The following ASMT variants were observed in gnomAD, a reference collection of about 807,000 sequenced individuals.
ASMT encodes acetylserotonin O-methyltransferase.
A neutral mutation model predicts 41.3 loss-of-function variants in ASMT; 53 were observed. The ratio of observed to expected loss-of-function variants is 1.28; its 90% CI spans 1.03 to 1.61. ASMT has a LOEUF of 1.61. Among genes scored for constraint, ASMT ranks in the 40% most tolerant of loss-of-function variants. The pLI, the probability that ASMT is intolerant of heterozygous loss-of-function variation, is 0.00. For missense variants in ASMT, 531 were observed against 441.3 expected, an observed-to-expected ratio of 1.20 and a Z score of -1.82; for synonymous variants, 231 against 184.8, an observed-to-expected ratio of 1.25 and a Z score of -2.03.
intron 4 of ASMT, among the ~76,000 whole-genome samples, chrX:1,628,952 T>C (rs1368498409): frequency 5.5e-5 from 8 of 144,448 alleles, no homozygotes; most frequent in African/African-American, 1.8e-4. Context: ...CTTTCTTTCT[T>C]TCCTTCTTTC....
chrX:1,634,254 G>A (rs1466661409), intron 7 of ASMT, among the ~76,000 whole-genome samples: 45 of 152,292 alleles, frequency 3.0e-4, no homozygotes, highest in Non-Finnish European at 5.6e-4. Context: ...GATAGAGTTC[G>A]GGAGAAACCA....
intron 2 of ASMT, 120 bp from the exon 3 acceptor site, chrX:1,624,149 C>A: frequency 7.2e-7 from 1 of 1,380,566 alleles, no homozygotes; most frequent in Non-Finnish European, 1.0e-6. Context: ...GACCCCATCT[C>A]TAAAGAAGAG....
chrX:1,615,620 C>G (rs1219927474), intron 1 of ASMT, among the ~76,000 whole-genome samples: 1 of 151,904 alleles, frequency 6.6e-6, no homozygotes, highest in Non-Finnish European at 1.5e-5. Context: ...CTGACCCACA[C>G]AGAGAAACCC....
At chrX:1,631,283 A>G in intron 5 of ASMT, among the ~76,000 whole-genome samples, 1 of 151,412 alleles carries the variant, frequency 6.6e-6, no homozygotes, top group East Asian at 2.0e-4. Context: ...CTCCAGTTTC[A>G]TGCAGTCCTC....
At chrX:1,623,862 C>G (rs7880188) in intron 2 of ASMT, among the ~76,000 whole-genome samples, 2 of 151,244 alleles carry the variant, frequency 1.3e-5, no homozygotes, top group African/African-American at 4.9e-5. Context: ...TTGGCCAGGC[C>G]GGTCTCGAGC....
At chrX:1,642,663 G>A in intron 8 of ASMT, 140 bp from the exon 9 acceptor site, 1 of 765,924 alleles carries the variant, frequency 1.3e-6, no homozygotes, top group South Asian at 1.5e-5. Flanking sequence ...ATGAGGACGT[G>A]GGCACAGCCT....
intron 8 of ASMT, among the ~76,000 whole-genome samples, chrX:1,636,935 C>T (rs1349094642): frequency 3.1e-5 from 3 of 95,482 alleles, no homozygotes; most frequent in South Asian, 3.6e-4. Context: ...GGGACAGTGT[C>T]CCAGCTCTCC....
chrX:1,617,776 C>T (rs1421615178), intron 1 of ASMT, among the ~76,000 whole-genome samples: 1 of 149,368 alleles, frequency 6.7e-6, no homozygotes, highest in Non-Finnish European at 1.5e-5. Flanking sequence ...CCAACACGCC[C>T]AGATAATTTT....
chrX:1,625,704 C>G (rs1186134306), intron 3 of ASMT, among the ~76,000 whole-genome samples: 1 of 151,722 alleles, frequency 6.6e-6, no homozygotes, highest in Non-Finnish European at 1.5e-5. Flanking sequence ...CCGGTAATCC[C>G]AGCACTTTGG....
chrX:1,636,676 C>A (rs1433866437), intron 8 of ASMT, 116 bp downstream of exon 8: 85 of 1,489,558 alleles, frequency 5.7e-5, no homozygotes, highest in Non-Finnish European at 7.0e-5. Flanking sequence ...GACATCCTGC[C>A]CAATATGGCT....
At chrX:1,632,814 G>C (rs1220148298) in intron 6 of ASMT, 27 bp downstream of exon 6, 16 of 461,404 alleles carry the variant, frequency 3.5e-5, no homozygotes, top group Non-Finnish European at 3.2e-5. Flanking sequence ...GAGACCACAT[G>C]GACACAGGGA....
At chrX:1,636,660 A>C (rs1412264804) in intron 8 of ASMT, 100 bp downstream of exon 8, 3 of 1,583,618 alleles carry the variant, frequency 1.9e-6, no homozygotes, top group East Asian at 2.2e-5. Context: ...CCCACAGGTA[A>C]GGGTAGACAT....
rs1223541699 is a variant in ASMT at position 1,632,872 on chromosome X, G to GC, written c.646+86dup. 32 of 537,006 alleles carry GC rather than the reference G, an allele frequency of 6.0e-5. No homozygotes were observed. In the Admixed American group the frequency reaches 9.0e-4, roughly 15 times the overall value. 33.3% of individuals were successfully genotyped at this position (537,006 alleles called of 1,614,324 possible). ...CTGTCAGGGCCTGGGGGGCTGGGAGGCTGGGGGAGGGAGAGCACTAGGACA... is the reference window on the plus strand; with the variant it reads ...CTGTCAGGGCCTGGGGGGCTGGGAGGCCTGGGGGAGGGAGAGCACTAGGACA... On this transcript the variant is annotated intron_variant, in intron 6 of 8. Coordinates refer to ENST00000381241, the MANE Select transcript of ASMT (RefSeq NM_001171038.2).
At chrX:1,634,128 G>C (rs1262515245) in intron 7 of ASMT, among the ~76,000 whole-genome samples, 3 of 152,110 alleles carry the variant, frequency 2.0e-5, no homozygotes, top group Non-Finnish European at 2.9e-5. Context: ...ACTACCTTCA[G>C]GTTCAATAAT....
In ASMT at chrX:1,629,820, G is replaced by T; in HGVS notation, c.444-1G>T. On this transcript the variant is annotated splice_acceptor_variant, in intron 4 of 8. Coordinates refer to ENST00000381241, the MANE Select transcript of ASMT (RefSeq NM_001171038.2). LOFTEE classifies it high-confidence loss of function. ...TTGACAAGCGTGGTTTTGCATGCCA[G>T]GTCCGAGGGCGAGCGGCTACAGTTC... is the stretch of plus-strand genomic sequence containing the variant. 2 of 1,613,912 alleles carry T rather than the reference G, an allele frequency of 1.2e-6. No individual in the cohort carries two copies. Among genetic ancestry groups the T allele is most frequent in the Non-Finnish European group, 1.7e-6 (2 of 1,179,832 alleles).
chrX:1,615,801 C>CA (rs1321677024), intron 1 of ASMT, among the ~76,000 whole-genome samples: 30 of 143,242 alleles, frequency 2.1e-4, no homozygotes, highest in Middle Eastern at 3.6e-3. Flanking sequence ...GACTCTGTGT[C>CA]AAAAAAAAAC....
intron 4 of ASMT, 77 bp downstream of exon 4, chrX:1,627,848 AT>A: frequency 7.3e-7 from 1 of 1,363,198 alleles, no homozygotes; most frequent in Non-Finnish European, 1.1e-6. Context: ...AACCCAATCC[AT>A]TTACTCAAAT....
chrX:1,617,749 G>A (rs1311383316), intron 1 of ASMT, among the ~76,000 whole-genome samples: 1 of 151,610 alleles, frequency 6.6e-6, no homozygotes, highest in Non-Finnish European at 1.5e-5. Context: ...CCGAGTAGCT[G>A]GGAGTACAGG....
At chrX:1,630,527 G>A (rs1374762389) in intron 5 of ASMT, among the ~76,000 whole-genome samples, 10 of 151,770 alleles carry the variant, frequency 6.6e-5, no homozygotes, top group Non-Finnish European at 1.2e-4. Context: ...GGCTGGTCTC[G>A]AACTCCTGAC....
Sources: allele counts gnomAD v4.1 joint callset (sites outside exome capture counted in the v4.1 genomes callset), GRCh38; gene constraint gnomAD v4.1.1; transcripts MANE v1.5; gene names NCBI Gene and HGNC (gene_info 2026-07-23, HGNC 2026-07-21).